The following CERKL variants were observed in gnomAD, a reference collection of about 807,000 sequenced individuals.
CERKL encodes CERK like autophagy regulator.
In CERKL, 61 loss-of-function variants were observed where a neutral mutation model predicts 63.4. The observed-to-expected ratio is 0.96, with a 90% CI of 0.78 to 1.19. The LOEUF (loss-of-function observed/expected upper bound fraction) is 1.19. Ranked by LOEUF, CERKL falls within the 50% of genes most tolerant of loss-of-function variation. The pLI, the probability that CERKL is intolerant of heterozygous loss-of-function variation, is 0.00. For missense variants in CERKL, 675 were observed against 655.5 expected, an observed-to-expected ratio of 1.03 and a Z score of -0.33; for synonymous variants, 250 against 230.5, an observed-to-expected ratio of 1.08 and a Z score of -0.77.
chr2:181,606,599 A>C (rs1287637414), intron 1 of CERKL, among the ~76,000 whole-genome samples: 1 of 140,660 alleles, frequency 7.1e-6, no homozygotes, highest in Non-Finnish European at 1.5e-5. Flanking sequence ...GAGGGAACGG[A>C]AAGGCCTTTT....
chr2:181,583,205 C>T (rs1684610608), intron 2 of CERKL, among the ~76,000 whole-genome samples: 1 of 151,782 alleles, frequency 6.6e-6, no homozygotes, highest in African/African-American at 2.4e-5. Flanking sequence ...TGTTGCCATC[C>T]CTAATTAAAT....
At chr2:181,581,010 T>C (rs1684482245) in intron 2 of CERKL, among the ~76,000 whole-genome samples, 1 of 152,152 alleles carries the variant, frequency 6.6e-6, no homozygotes, top group African/African-American at 2.4e-5. Flanking sequence ...ACTCACTCAT[T>C]TTACCCTGCT....
At chr2:181,559,668 G>C (rs1323964449) in intron 4 of CERKL, among the ~76,000 whole-genome samples, 2 of 152,126 alleles carry the variant, frequency 1.3e-5, no homozygotes, top group Non-Finnish European at 2.9e-5. Flanking sequence ...TAAATACTAA[G>C]CAACTAGCAT....
chr2:181,633,319 G>A (rs538884344), intron 1 of CERKL, among the ~76,000 whole-genome samples: 3 of 152,306 alleles, frequency 2.0e-5, no homozygotes, highest in African/African-American at 7.2e-5. Context: ...GCACGGAGAT[G>A]GAAATGATGA....
At chr2:181,588,784 CAAGTGTGAGGCGAT>C (rs1684868078) in intron 2 of CERKL, among the ~76,000 whole-genome samples, 1 of 152,168 alleles carries the variant, frequency 6.6e-6, no homozygotes, top group Non-Finnish European at 1.5e-5. Flanking sequence ...GCCATTCTAA[CAAGTGTGAGGCGAT>C]ATCTCACTGT....
intron 1 of CERKL, 137 bp downstream of exon 1, chr2:181,656,632 C>T: frequency 4.0e-6 from 3 of 746,796 alleles, no homozygotes; most frequent in South Asian, 2.0e-5. Context: ...GGTAACCTGT[C>T]CGGGCAGTGA....
intron 5 of CERKL, among the ~76,000 whole-genome samples, chr2:181,557,731 C>A (rs10490688): frequency 0.39 from 59,464 of 151,844 alleles, 12,446 homozygotes; most frequent in African/African-American, 0.53. Context: ...CAATTCAGAG[C>A]CCTTACTGTG....
chr2:181,542,584 A>G (rs11675121), intron 11 of CERKL, among the ~76,000 whole-genome samples: 34,616 of 151,864 alleles, frequency 0.23, 4,696 homozygotes, highest in Non-Finnish European at 0.31. Flanking sequence ...CTGGGAATCA[A>G]TCTTTCTTAC....
intron 1 of CERKL, among the ~76,000 whole-genome samples, chr2:181,638,044 T>C (rs1038313270): frequency 6.6e-6 from 1 of 152,120 alleles, no homozygotes; most frequent in Non-Finnish European, 1.5e-5. Context: ...GTTGTTATAG[T>C]TAGGAATCAG....
At chr2:181,636,959 C>A (rs1687205904) in intron 1 of CERKL, among the ~76,000 whole-genome samples, 1 of 152,172 alleles carries the variant, frequency 6.6e-6, no homozygotes, top group African/African-American at 2.4e-5. Flanking sequence ...AGACAGAAAT[C>A]ATGTCAAATT....
At chr2:181,541,592 T>C (rs182473470) in intron 11 of CERKL, among the ~76,000 whole-genome samples, 13 of 152,134 alleles carry the variant, frequency 8.5e-5, no homozygotes, top group African/African-American at 2.4e-4. Flanking sequence ...AGGAGAGAAA[T>C]CCAATGTGTG....
chr2:181,640,461 T>C (rs1225477627), intron 1 of CERKL, among the ~76,000 whole-genome samples: 2 of 152,210 alleles, frequency 1.3e-5, no homozygotes, highest in Non-Finnish European at 2.9e-5. Flanking sequence ...ATGATGCTTG[T>C]AGACTTGTCA....
At chr2:181,541,217 A>G (rs1185802583) in intron 11 of CERKL, among the ~76,000 whole-genome samples, 2 of 152,208 alleles carry the variant, frequency 1.3e-5, no homozygotes, top group Non-Finnish European at 1.5e-5. Flanking sequence ...GACATAGGAA[A>G]AGGCATCGGG....
chr2:181,596,901 G>C (rs1047251178), intron 2 of CERKL, among the ~76,000 whole-genome samples: 2 of 152,164 alleles, frequency 1.3e-5, no homozygotes, highest in African/African-American at 4.8e-5. Context: ...TAAGAAGGAT[G>C]AAATTCTAAA....
chr2:181,538,954 C>G, intron 12 of CERKL, 138 bp downstream of exon 12: 1 of 696,648 alleles, frequency 1.4e-6, no homozygotes, highest in Non-Finnish European at 2.5e-6. Context: ...GTGCATGTCT[C>G]TTTATGCTTC....
At chr2:181,573,222 C>T (rs534356445) in intron 3 of CERKL, among the ~76,000 whole-genome samples, 36 of 152,234 alleles carry the variant, frequency 2.4e-4, no homozygotes, top group African/African-American at 8.4e-4. Context: ...TTCTATTTTC[C>T]TTGGCACAAA....
chr2:181,603,774 C>T (rs772729643), intron 2 of CERKL, 63 bp downstream of exon 2: 31 of 1,513,756 alleles, frequency 2.0e-5, no homozygotes, highest in Non-Finnish European at 2.8e-5. Flanking sequence ...CAAAACATGT[C>T]TAGATTAATC....
At chr2:181,589,785 T>A (rs1684912914) in intron 2 of CERKL, among the ~76,000 whole-genome samples, 1 of 152,092 alleles carries the variant, frequency 6.6e-6, no homozygotes, top group Admixed American at 6.5e-5. Context: ...CCAGAGCCAA[T>A]AAAGAAAAAG....
chr2:181,558,560 C>T lies in CERKL; in HGVS notation c.820+6G>A, dbSNP rs1191372099. On this transcript the variant is annotated splice_donor_region_variant and intron_variant, in intron 5 of 12. Transcript: ENST00000410087. The surrounding 1 kb of genome is among the most constrained non-coding windows in gnomAD (Gnocchi z 4.2). ...CAGTTTAATGAATCTGTAGCCACTC[C>T]CTTGCCTGCTGGTATTAAGCCAAGT... is the stretch of plus-strand genomic sequence containing the variant. 6.2e-7 allele frequency: 1 copy of T among 1,613,124 alleles called. No individual in the cohort carries two copies.
Sources: allele counts gnomAD v4.1 joint callset (sites outside exome capture counted in the v4.1 genomes callset), GRCh38; gene constraint gnomAD v4.1.1; non-coding constraint Gnocchi (gnomAD v3.1); transcripts MANE v1.5; gene names NCBI Gene and HGNC (gene_info 2026-07-23, HGNC 2026-07-21).